Variants in CSMD1 observed in about 807,000 individuals in gnomAD.
CSMD1 encodes CUB and Sushi multiple domains 1.
Under a neutral mutation model 417.5 loss-of-function variants are expected in CSMD1, and 213 were observed. The observed-to-expected ratio is 0.51, with a 90% CI of 0.46 to 0.57. The LOEUF is 0.57. CSMD1 is among the 20% of genes least tolerant of loss of function. The probability of loss-of-function intolerance (pLI) is 0.00; values close to 1 mark genes in which losing one functional copy is unlikely to be tolerated. For synonymous variants in CSMD1, 2,862 were observed against 1,736.8 expected, an observed-to-expected ratio of 1.65 and a Z score of -16.11; for missense variants, 6,923 against 4,529.7, an observed-to-expected ratio of 1.53 and a Z score of -15.17.
intron 5 of CSMD1, among the ~76,000 whole-genome samples, chr8:3,865,525 G>A (rs778955318): frequency 6.6e-6 from 1 of 151,946 alleles, no homozygotes; most frequent in Non-Finnish European, 1.5e-5. Flanking sequence ...AAAGAGTTGG[G>A]GGTGGAGGCA....
intron 10 of CSMD1, among the ~76,000 whole-genome samples, chr8:3,535,319 T>A (rs1396436159): frequency 6.6e-6 from 1 of 152,134 alleles, no homozygotes; most frequent in African/African-American, 2.4e-5. Context: ...ACTTTCTATC[T>A]TTCTATATAC....
intron 1 of CSMD1, among the ~76,000 whole-genome samples, chr8:4,670,933 G>A (rs1411844618): frequency 2.0e-5 from 3 of 152,200 alleles, no homozygotes; most frequent in Admixed American, 1.3e-4. Context: ...TAATTGAGCA[G>A]TCATATAACA....
intron 36 of CSMD1, among the ~76,000 whole-genome samples, chr8:3,183,909 A>C (rs1369399265): frequency 6.6e-6 from 1 of 152,236 alleles, no homozygotes; most frequent in Admixed American, 6.5e-5. Context: ...TTAGTGCAAT[A>C]ATCTTCCAAC....
At chr8:4,250,835 A>G (rs954785649) in intron 3 of CSMD1, among the ~76,000 whole-genome samples, 1 of 152,188 alleles carries the variant, frequency 6.6e-6, no homozygotes, top group Non-Finnish European at 1.5e-5. Context: ...TGTTTTTTAG[A>G]ATATGTCAAC....
At position 2,963,242 on chromosome 8, in the gene CSMD1, C is replaced by A; in HGVS notation, c.9434G>T (p.Gly3145Val). ...LSCEGRGVWK[G>V]EIPQCLPVFC... ...CTTACGGAGACACTGGGGGATCTCT[C>A]CTTTCCACACCCCGCGACCTTCACA... Residue 3145 changes from glycine to valine, a missense_variant, in exon 60 of 70, where the codon GGA becomes GTA. Physicochemically the swap from Gly to Val is moderately radical, Grantham distance 109. Transcript: ENST00000635120. 1 of 1,613,880 alleles carries A rather than the reference C, an allele frequency of 6.2e-7. No individual in the cohort carries two copies. Among genetic ancestry groups the A allele is most frequent in the Non-Finnish European group, 8.5e-7 (1 of 1,179,856 alleles).
intron 1 of CSMD1, among the ~76,000 whole-genome samples, chr8:4,895,024 G>C (rs1159770493): frequency 6.6e-6 from 1 of 152,098 alleles, no homozygotes; most frequent in Non-Finnish European, 1.5e-5. Flanking sequence ...CTCTTGACCT[G>C]AGTTTTTTCA....
rs796369652 is a variant in CSMD1, at chr8:4,396,148, G to C, written c.415+23805C>G. Among the ~76,000 whole-genome samples the C allele has an allele frequency of 2.6e-5, 4 of 152,056 alleles. No individual in the cohort carries two copies. In the East Asian group the frequency reaches 7.7e-4, roughly 29 times the overall value. ...GTAATGGGAATGTATGCTAAATATAGAAGTAATTATTTGCAAAGCAAGAAT... is the reference window on the plus strand; with the variant it reads ...GTAATGGGAATGTATGCTAAATATACAAGTAATTATTTGCAAAGCAAGAAT... On this transcript the variant is annotated intron_variant, in intron 3 of 69. Coordinates refer to ENST00000635120, the MANE Select transcript of CSMD1 (RefSeq NM_033225.6).
At chr8:3,604,066 C>T (rs918242941) in intron 8 of CSMD1, among the ~76,000 whole-genome samples, 1 of 152,152 alleles carries the variant, frequency 6.6e-6, no homozygotes, top group Non-Finnish European at 1.5e-5. Flanking sequence ...AATTAAATAA[C>T]TTAGTGAATA....
rs1422876422 is a variant in CSMD1 at position 4,549,320 on chromosome 8, A to G, written c.302+88022T>C. On this transcript the variant is annotated intron_variant, in intron 2 of 69. Transcript: ENST00000635120. ...GAATGCGAGGGGAAGGAAAAGGGTA[A>G]AAGAAATTATTCCAGAAACAAGAAA... Among the ~76,000 whole-genome samples, 3 of 152,330 alleles carry G rather than the reference A, an allele frequency of 2.0e-5. 1 individual carries two copies. Among genetic ancestry groups the G allele is most frequent in the South Asian group, 4.1e-4 (2 of 4,824 alleles).
chr8:3,504,573 T>C (rs1476384335), intron 10 of CSMD1, among the ~76,000 whole-genome samples: 2 of 152,226 alleles, frequency 1.3e-5, no homozygotes, highest in Non-Finnish European at 2.9e-5. Context: ...TTTGAAGTAT[T>C]CTGTTATTTC....
At chr8:4,608,026 G>C (rs1182954208) in intron 2 of CSMD1, among the ~76,000 whole-genome samples, 4 of 152,114 alleles carry the variant, frequency 2.6e-5, no homozygotes, top group African/African-American at 9.7e-5. Context: ...GTGAGGGTGT[G>C]TCCTTGCCCA....
chr8:3,221,163 C>T (rs144556837), intron 28 of CSMD1, among the ~76,000 whole-genome samples: 1 of 152,282 alleles, frequency 6.6e-6, no homozygotes, highest in Non-Finnish European at 1.5e-5. Flanking sequence ...GAACAGAGAA[C>T]GTGGTACCGC....
intron 3 of CSMD1, among the ~76,000 whole-genome samples, chr8:4,192,101 G>A (rs987382499): frequency 6.6e-6 from 1 of 152,120 alleles, no homozygotes; most frequent in Non-Finnish European, 1.5e-5. Flanking sequence ...AAAAACGTGG[G>A]AAGGAGAAGG....
At chr8:3,661,949 G>T (rs1798440396) in intron 7 of CSMD1, among the ~76,000 whole-genome samples, 1 of 152,186 alleles carries the variant, frequency 6.6e-6, no homozygotes, top group Non-Finnish European at 1.5e-5. Context: ...AGGGAAGAGA[G>T]AAAATGAGAA....
chr8:3,936,341 T>C (rs1423451092), intron 5 of CSMD1, among the ~76,000 whole-genome samples: 4 of 152,172 alleles, frequency 2.6e-5, no homozygotes, highest in Non-Finnish European at 5.9e-5. Context: ...CAAAGCAGCC[T>C]TGTATTAGAA....
At chr8:4,206,649 G>C (rs1429751527) in intron 3 of CSMD1, among the ~76,000 whole-genome samples, 2 of 152,186 alleles carry the variant, frequency 1.3e-5, no homozygotes, top group Non-Finnish European at 2.9e-5. Context: ...AAACGTATGT[G>C]TGCATGTGTC....
chr8:3,925,867 T>C (rs1026536339), intron 5 of CSMD1, among the ~76,000 whole-genome samples: 1 of 152,038 alleles, frequency 6.6e-6, no homozygotes, highest in Non-Finnish European at 1.5e-5. Flanking sequence ...TTTATTAATT[T>C]ATTTTATTCA....
At chr8:3,395,768 GATTCGGTACCACAA>G (rs1811653502) in intron 17 of CSMD1, among the ~76,000 whole-genome samples, 1 of 152,108 alleles carries the variant, frequency 6.6e-6, no homozygotes. Context: ...TCTATACTCA[GATTCGGTACCACAA>G]ATTGACCTAA....
chr8:3,874,090 C>T (rs1329020424), intron 5 of CSMD1, among the ~76,000 whole-genome samples: 1 of 152,222 alleles, frequency 6.6e-6, no homozygotes, highest in African/African-American at 2.4e-5. Flanking sequence ...GTGCTATCCT[C>T]AGGCTGGGTT....
Sources: gnomAD v4.1 joint callset for allele counts (sites outside exome capture counted in the v4.1 genomes callset) on GRCh38, gnomAD v4.1.1 for gene constraint, MANE v1.5 for transcripts, NCBI Gene and HGNC (gene_info 2026-07-23, HGNC 2026-07-21) for gene names.